Variants in SLC25A33 observed in about 807,000 individuals in gnomAD.
SLC25A33 encodes bone marrow stromal cell mitochondrial carrier protein.
Under a neutral mutation model 35.5 loss-of-function variants are expected in SLC25A33, and 15 were observed. The observed-to-expected ratio is 0.42, with a 90% CI of 0.28 to 0.65. The LOEUF (loss-of-function observed/expected upper bound fraction) is 0.65, where lower values mean the gene tolerates loss of function less well. Ranked by LOEUF, SLC25A33 falls within the 30% of genes least tolerant of loss-of-function variation. The pLI is 0.20. For missense variants in SLC25A33, 257 were observed against 398.5 expected, an observed-to-expected ratio of 0.64 and a Z score of 3.02; for synonymous variants, 136 against 148.7, an observed-to-expected ratio of 0.91 and a Z score of 0.62.
Position 9,584,074 on chromosome 1 carries a change from A to T in SLC25A33, c.*1573A>T, listed in dbSNP as rs1643778176. 6.6e-6 allele frequency: 1 copy of T among 151,976 alleles called. No homozygotes were observed. Among genetic ancestry groups the T allele is most frequent in the African/African-American group, 2.4e-5 (1 of 41,332 alleles). The allele number at this position is 151,976 out of a possible 1,614,324, so 9.4% of individuals were successfully genotyped here. On this transcript the variant is annotated 3_prime_UTR_variant, in exon 7 of 7. Transcript: ENST00000302692. ...AAGGGAACAAAAAGATGATACTAAG[A>T]AGAAGGCAAGTAAAACCCCTAGTCT...
At chr1:9,550,507 G>T (rs1370969911) in intron 1 of SLC25A33, among the ~76,000 whole-genome samples, 1 of 152,080 alleles carries the variant, frequency 6.6e-6, no homozygotes, top group Non-Finnish European at 1.5e-5. Context: ...AACACAAATA[G>T]ATTTCAGATA....
At chr1:9,562,064 AG>A (rs1553146521) in intron 2 of SLC25A33, among the ~76,000 whole-genome samples, 1 of 150,102 alleles carries the variant, frequency 6.7e-6, no homozygotes, top group Non-Finnish European at 1.5e-5. Flanking sequence ...AAAAAAAAAA[AG>A]GGGCAATATT....
At chr1:9,544,461 G>T (rs560040176) in intron 1 of SLC25A33, among the ~76,000 whole-genome samples, 1 of 151,786 alleles carries the variant, frequency 6.6e-6, no homozygotes, top group Admixed American at 6.6e-5. Context: ...TAGAGACCAG[G>T]TTTCACCATG....
At chr1:9,550,202 C>T (rs1408158684) in intron 1 of SLC25A33, among the ~76,000 whole-genome samples, 23 of 147,266 alleles carry the variant, frequency 1.6e-4, no homozygotes, top group African/African-American at 5.5e-4. Flanking sequence ...GGACTCCAGC[C>T]TGGGTAACAG....
At chr1:9,564,684 C>T (rs1196834933) in intron 2 of SLC25A33, among the ~76,000 whole-genome samples, 6 of 141,206 alleles carry the variant, frequency 4.2e-5, no homozygotes, top group South Asian at 4.4e-4. Context: ...GCCAGAAGTT[C>T]GAGACCAGCC....
At chr1:9,571,779 T>C (rs1030853840) in intron 4 of SLC25A33, among the ~76,000 whole-genome samples, 1 of 152,128 alleles carries the variant, frequency 6.6e-6, no homozygotes, top group African/African-American at 2.4e-5. Context: ...GCTGGAACTA[T>C]AGCTGCATGC....
chr1:9,569,106 G>A (rs1190411330), intron 3 of SLC25A33, among the ~76,000 whole-genome samples: 19 of 151,890 alleles, frequency 1.3e-4, no homozygotes, highest in Non-Finnish European at 2.1e-4. Context: ...TTAGCCAGGC[G>A]TGGTGACATG....
intron 1 of SLC25A33, 88 bp from the exon 2 acceptor site, chr1:9,553,538 T>C (rs1220700709): frequency 6.7e-7 from 1 of 1,496,088 alleles, no homozygotes; most frequent in African/African-American, 1.4e-5. Flanking sequence ...CGGCACGTTC[T>C]AGTTTTAAAG....
intron 1 of SLC25A33, among the ~76,000 whole-genome samples, chr1:9,540,524 C>G (rs1643063884): frequency 6.6e-6 from 1 of 152,104 alleles, no homozygotes; most frequent in South Asian, 2.1e-4. Context: ...GCCACCTCCC[C>G]TTGTCACCTC....
At chr1:9,566,368 A>G (rs763816881) in intron 2 of SLC25A33, among the ~76,000 whole-genome samples, 2 of 152,152 alleles carry the variant, frequency 1.3e-5, no homozygotes, top group Admixed American at 1.3e-4. Context: ...ATAAGATTCT[A>G]CTACATTAGG....
At chr1:9,554,340 TA>T (rs1323946466) in intron 2 of SLC25A33, among the ~76,000 whole-genome samples, 2 of 152,106 alleles carry the variant, frequency 1.3e-5, no homozygotes, top group African/African-American at 4.8e-5. Flanking sequence ...TGAATATTTT[TA>T]AAAGAAACAA....
chr1:9,570,508 A>G (rs185874442), intron 4 of SLC25A33, 150 bp downstream of exon 4: 1 of 649,198 alleles, frequency 1.5e-6, no homozygotes. Flanking sequence ...AACCAATAGG[A>G]GAGTGAGAGC....
rs1271377405 is a variant in SLC25A33, at chr1:9,584,571, GTAT to G, written c.*2072_*2074del. On this transcript the variant is annotated 3_prime_UTR_variant, in exon 7 of 7. Transcript: ENST00000302692. ...TGCGCCACCACACCTGGCTAATTTT[GTAT>G]TTTTAGTAGAGATGGGGTTTCACCA... is the stretch of plus-strand genomic sequence containing the variant. The G allele has an allele frequency of 3.9e-5, 6 of 152,178 alleles. No individual in the cohort carries two copies. The highest frequency in any genetic ancestry group is 1.4e-4 in the African/African-American group (6 of 41,416). The allele number at this position is 152,178 out of a possible 1,614,324, so 9.4% of individuals were successfully genotyped here.
intron 2 of SLC25A33, among the ~76,000 whole-genome samples, chr1:9,557,572 C>T (rs760530988): frequency 2.6e-5 from 4 of 151,954 alleles, no homozygotes; most frequent in Non-Finnish European, 5.9e-5. Flanking sequence ...TGTTGGCGTG[C>T]ACCTATAATC....
chr1:9,543,199 A>G (rs1643119701), intron 1 of SLC25A33, among the ~76,000 whole-genome samples: 1 of 151,062 alleles, frequency 6.6e-6, no homozygotes, highest in South Asian at 2.1e-4. Context: ...GCTGGAGTGC[A>G]GTGGTGCGAT....
chr1:9,561,272 A>C (rs1479039864), intron 2 of SLC25A33, among the ~76,000 whole-genome samples: 1 of 152,050 alleles, frequency 6.6e-6, no homozygotes, highest in Non-Finnish European at 1.5e-5. Context: ...TGCCTTTTTC[A>C]TTGAAAAGTA....
chr1:9,546,987 C>A (rs531961752), intron 1 of SLC25A33, among the ~76,000 whole-genome samples: 9 of 152,346 alleles, frequency 5.9e-5, no homozygotes, highest in African/African-American at 2.2e-4. Flanking sequence ...AGGACACGTA[C>A]CCCTTGCTCT....
At chr1:9,549,201 G>A (rs553643500) in intron 1 of SLC25A33, among the ~76,000 whole-genome samples, 2 of 152,100 alleles carry the variant, frequency 1.3e-5, no homozygotes, top group African/African-American at 4.8e-5. Flanking sequence ...AACTCCTAGC[G>A]GTCCCATTGG....
chr1:9,573,294 A>G (rs539814247), intron 4 of SLC25A33, 52 bp from the exon 5 acceptor site: 11 of 1,304,124 alleles, frequency 8.4e-6, no homozygotes, highest in South Asian at 4.0e-5. Flanking sequence ...GACATCTTTA[A>G]TAAGTATGGA....
Sources: allele counts gnomAD v4.1 joint callset (sites outside exome capture counted in the v4.1 genomes callset), GRCh38; gene constraint gnomAD v4.1.1; transcripts MANE v1.5; gene names NCBI Gene and HGNC (gene_info 2026-07-23, HGNC 2026-07-21).